The following CD226 variants were observed in gnomAD, a reference collection of about 807,000 sequenced individuals.
CD226 encodes the protein CD226 antigen.
In CD226, 24 loss-of-function variants were observed where a neutral mutation model predicts 34.9. That is an observed-to-expected ratio of 0.69 (90% CI 0.50 to 0.97). The LOEUF is 0.97. CD226 is among the 50% of genes least tolerant of loss of function. CD226 has a pLI of 0.00. For synonymous variants in CD226, 148 were observed against 147.4 expected, an observed-to-expected ratio of 1.00 and a Z score of -0.03; for missense variants, 397 against 412.7, an observed-to-expected ratio of 0.96 and a Z score of 0.33.
In CD226 at chr18:69,853,853, T is replaced by C. The variant is rs2145152548; in HGVS notation, c.*10461A>G. 6.6e-6 allele frequency: 1 copy of C among 152,314 alleles called. No individual in the cohort carries two copies. The highest frequency in any genetic ancestry group is 2.4e-5 in the African/African-American group (1 of 41,556). The allele number at this position is 152,314 out of a possible 1,614,324, so 9.4% of individuals were successfully genotyped here. On this transcript the variant is annotated 3_prime_UTR_variant, in exon 6 of 6. Transcript: ENST00000582621. ...CTCAGTATGATCTACTCATCTTCAG[T>C]TTGATGTCTATACTTCATTTCATAT...
At chr18:69,896,716 T>C (rs1985325062) in intron 2 of CD226, among the ~76,000 whole-genome samples, 1 of 152,238 alleles carries the variant, frequency 6.6e-6, no homozygotes, top group Non-Finnish European at 1.5e-5. Flanking sequence ...GGCTGGTGTC[T>C]CTGACACTGA....
At chr18:69,899,694 T>C (rs1045470537) in intron 2 of CD226, among the ~76,000 whole-genome samples, 1 of 152,122 alleles carries the variant, frequency 6.6e-6, no homozygotes, top group East Asian at 1.9e-4. Flanking sequence ...ATATCACTCA[T>C]CATTACAGAA....
intron 2 of CD226, among the ~76,000 whole-genome samples, chr18:69,939,025 G>A (rs769643290): frequency 3.3e-5 from 5 of 152,212 alleles, no homozygotes; most frequent in Non-Finnish European, 7.3e-5. Context: ...GGCAGAGGTT[G>A]CAATGAGCTG....
intron 2 of CD226, among the ~76,000 whole-genome samples, chr18:69,917,403 C>T: frequency 6.6e-6 from 1 of 152,084 alleles, no homozygotes; most frequent in East Asian, 1.9e-4. Context: ...ACCATCTTTC[C>T]TTCCCTCCTT....
intron 2 of CD226, among the ~76,000 whole-genome samples, chr18:69,946,044 C>T (rs1435508232): frequency 6.6e-6 from 1 of 151,736 alleles, no homozygotes; most frequent in Non-Finnish European, 1.5e-5. Context: ...AACCATATCA[C>T]GTGGCGGTGC....
At chr18:69,866,319 TA>T (rs1366742600) in intron 5 of CD226, among the ~76,000 whole-genome samples, 4 of 152,068 alleles carry the variant, frequency 2.6e-5, no homozygotes, top group South Asian at 2.1e-4. Context: ...TGCTATGCAT[TA>T]AAGGAAGAGA....
At position 69,864,272 on chromosome 18, in the gene CD226, T is replaced by C. The variant is rs200072703; in HGVS notation, c.*42A>G. The C allele has an allele frequency of 3.1e-6, 5 of 1,606,156 alleles. No homozygotes were observed. The East Asian group carries it at 8.9e-5, about 29-fold the overall frequency. ...AATTGCATAAAGATCCATGCATGAGTACATAAGAGTCATTACTAATGCACT... is the reference window on the plus strand; with the variant it reads ...AATTGCATAAAGATCCATGCATGAGCACATAAGAGTCATTACTAATGCACT... On this transcript the variant is annotated 3_prime_UTR_variant, in exon 6 of 6. Transcript: ENST00000582621.
intron 4 of CD226, among the ~76,000 whole-genome samples, chr18:69,870,443 T>A (rs1983450770): frequency 6.6e-6 from 1 of 151,590 alleles, no homozygotes; most frequent in South Asian, 2.1e-4. Flanking sequence ...CCCAGCCAAT[T>A]TTTGCAGTTT....
In CD226 at chr18:69,855,092, C is replaced by T. The variant is rs1982572502; in HGVS notation, c.*9222G>A. On this transcript the variant is annotated 3_prime_UTR_variant, in exon 6 of 6. Coordinates refer to ENST00000582621, the MANE Select transcript of CD226 (RefSeq NM_001303618.2). ...TTATTTACCTGTTCCTATTACATAA[C>T]ACACCAGATCTGGCTTGCAACAAAA... is the stretch of plus-strand genomic sequence containing the variant. 1 of 151,210 alleles carries T rather than the reference C, an allele frequency of 6.6e-6. No individual in the cohort carries two copies. The highest frequency in any genetic ancestry group is 2.4e-5 in the African/African-American group (1 of 41,254). The allele number at this position is 151,210 out of a possible 1,614,324, so 9.4% of individuals were successfully genotyped here.
At chr18:69,877,495 G>A (rs541650813) in intron 3 of CD226, among the ~76,000 whole-genome samples, 5 of 152,204 alleles carry the variant, frequency 3.3e-5, no homozygotes, top group African/African-American at 9.6e-5. Flanking sequence ...GTAGAAATGG[G>A]ACTGGGCAAA....
At chr18:69,919,788 T>C (rs1179105468) in intron 2 of CD226, among the ~76,000 whole-genome samples, 1 of 152,164 alleles carries the variant, frequency 6.6e-6, no homozygotes, top group Non-Finnish European at 1.5e-5. Context: ...CGAATGAGGA[T>C]TTTTTAAATG....
Position 69,895,911 on chromosome 18 carries a change from TC to T in CD226, c.516del (p.Ile173SerfsTer4). 1 of 1,614,144 alleles carries T rather than the reference TC, an allele frequency of 6.2e-7. No homozygotes were observed. The highest frequency in any genetic ancestry group is 1.1e-5 in the South Asian group (1 of 91,086). ...AAGTTGCAGTAAGTTAAGAGGTCGATCTGACGGGGCTGGATCTTTTCCCACC... is the reference window on the plus strand; with the variant it reads ...AAGTTGCAGTAAGTTAAGAGGTCGATTGACGGGGCTGGATCTTTTCCCACC... The part of the protein sequence containing the change: ...AVRWEKIQPR[Q>X]IDLLTYCNLV... On this transcript the variant is annotated frameshift_variant, in exon 3 of 6. Coordinates refer to ENST00000582621, the MANE Select transcript of CD226 (RefSeq NM_001303618.2). LOFTEE classifies it high-confidence loss of function.
intron 2 of CD226, among the ~76,000 whole-genome samples, chr18:69,897,815 C>T (rs1345251066): frequency 3.9e-5 from 6 of 152,150 alleles, no homozygotes; most frequent in Non-Finnish European, 7.4e-5. Flanking sequence ...ATCATGGCTA[C>T]GATAGTTTCA....
At chr18:69,922,844 T>C (rs774931772) in intron 2 of CD226, among the ~76,000 whole-genome samples, 2 of 152,122 alleles carry the variant, frequency 1.3e-5, no homozygotes, top group Non-Finnish European at 2.9e-5. Context: ...GAAAATCTCA[T>C]AACTGGCCAG....
In CD226 at chr18:69,858,911, C is replaced by T. The variant is rs1982694388; in HGVS notation, c.*5403G>A. 1 of 150,810 alleles carries T rather than the reference C, an allele frequency of 6.6e-6. No homozygotes were observed. Among genetic ancestry groups the T allele is most frequent in the Admixed American group, 6.6e-5 (1 of 15,132 alleles). The allele number at this position is 150,810 out of a possible 1,614,324, so 9.3% of individuals were successfully genotyped here. A position where few individuals can be genotyped will look rare whatever the true frequency, so the allele number is the denominator to read the frequency against. On this transcript the variant is annotated 3_prime_UTR_variant, in exon 6 of 6. Coordinates refer to ENST00000582621, the MANE Select transcript of CD226 (RefSeq NM_001303618.2). ...GGCCTGGCTAATTTTTCTATTTTTA[C>T]TAAGACAGGGTTTCACCATATTGGC...
chr18:69,903,779 A>AC (rs2055216460), intron 2 of CD226, among the ~76,000 whole-genome samples: 1 of 152,064 alleles, frequency 6.6e-6, no homozygotes, highest in Non-Finnish European at 1.5e-5. Flanking sequence ...TCTCCTTGCA[A>AC]CCCCCAGAGG....
rs552237565 is a variant in CD226 at position 69,877,155 on chromosome 18, T to C, written c.728-3909A>G. Among the ~76,000 whole-genome samples the C allele has an allele frequency of 1.4e-4, 22 of 152,214 alleles. No homozygotes were observed. In the East Asian group the frequency reaches 2.7e-3, roughly 19 times the overall value. On this transcript the variant is annotated intron_variant, in intron 3 of 5. Transcript: ENST00000582621. The stretch of plus-strand genomic sequence containing the variant: ...CTGGGATTGCAGGCGTGAGCCACCG[T>C]GCCCAGTCCCAGGCCTCTAGAACTT...
At position 69,856,750 on chromosome 18, in the gene CD226, G is replaced by C. The variant is rs558340913; in HGVS notation, c.*7564C>G. On this transcript the variant is annotated 3_prime_UTR_variant, in exon 6 of 6. Transcript: ENST00000582621. ...ATCAAAAGAAATTTTAAAATATTTT[G>C]GACTAAATGAAAATAAAAATAGAGC... 6.6e-6 allele frequency: 1 copy of C among 151,920 alleles called. No homozygotes were observed. Among genetic ancestry groups the C allele is most frequent in the Non-Finnish European group, 1.5e-5 (1 of 67,984 alleles). 9.4% of individuals were successfully genotyped at this position (151,920 alleles called of 1,614,324 possible). A position where few individuals can be genotyped will look rare whatever the true frequency, so the allele number is the denominator to read the frequency against.
intron 2 of CD226, among the ~76,000 whole-genome samples, chr18:69,897,960 A>G (rs971326753): frequency 6.6e-6 from 1 of 152,160 alleles, no homozygotes; most frequent in Non-Finnish European, 1.5e-5. Context: ...CCCACATAAC[A>G]CACACCCGGA....
Sources: gnomAD v4.1 joint callset for allele counts (sites outside exome capture counted in the v4.1 genomes callset) on GRCh38, gnomAD v4.1.1 for gene constraint, MANE v1.5 for transcripts, NCBI Gene and HGNC (gene_info 2026-07-23, HGNC 2026-07-21) for gene names.